Variants in KIF11 observed in about 807,000 individuals in gnomAD.
The protein encoded by KIF11 is kinesin family member 11.
A neutral mutation model predicts 121.0 loss-of-function variants in KIF11; 9 were observed. That is an observed-to-expected ratio of 0.07 (90% CI 0.04 to 0.13). The LOEUF (loss-of-function observed/expected upper bound fraction) is 0.13. Among genes scored for constraint, KIF11 ranks in the 10% least tolerant of loss-of-function variants. The pLI is 1.00. For synonymous variants in KIF11, 408 were observed against 421.0 expected (o/e 0.97, Z 0.38); for missense variants, 846 against 1,217.5 (o/e 0.69, Z 4.54).
At chr10:92,630,021 A>G (rs140574963) in intron 11 of KIF11, among the ~76,000 whole-genome samples, 155 bp from the exon 12 acceptor site, 7 of 152,348 alleles carry the variant, frequency 4.6e-5, no homozygotes, top group African/African-American at 7.2e-5. Flanking sequence ...GTTGAGTAAG[A>G]TTACAGAAAG....
rs1207725287 is a variant in KIF11 at position 92,631,511 on chromosome 10, G to A, written c.1495-975G>A. ...CGAGTAGCTGGGACTACAGGCGCCC[G>A]CCACCGCGCCCGGCTAATTTTTTGT... is the stretch of plus-strand genomic sequence containing the variant. On this transcript the variant is annotated intron_variant, in intron 12 of 21. Coordinates refer to ENST00000260731, the MANE Select transcript of KIF11 (RefSeq NM_004523.4). Among the ~76,000 whole-genome samples the A allele has an allele frequency of 3.3e-5, 5 of 150,080 alleles. No individual in the cohort carries two copies. In the East Asian group the frequency reaches 6.0e-4, roughly 18 times the overall value.
At chr10:92,644,580 A>G (rs1218649214) in intron 17 of KIF11, among the ~76,000 whole-genome samples, 1 of 152,246 alleles carries the variant, frequency 6.6e-6, no homozygotes, top group East Asian at 1.9e-4. Flanking sequence ...CGGCCTCCCA[A>G]AGTGCTGGGA....
chr10:92,630,957 G>A (rs529748551), intron 12 of KIF11, among the ~76,000 whole-genome samples: 9 of 148,390 alleles, frequency 6.1e-5, no homozygotes, highest in Non-Finnish European at 1.0e-4. Context: ...CTTTTTCTTT[G>A]TGGGGATGAT....
At chr10:92,608,100 T>G (rs1288777813) in intron 4 of KIF11, among the ~76,000 whole-genome samples, 1 of 148,904 alleles carries the variant, frequency 6.7e-6, no homozygotes, top group Non-Finnish European at 1.5e-5. Context: ...ACCAAAAAAC[T>G]AGTTAATTTA....
intron 1 of KIF11, 123 bp downstream of exon 1, chr10:92,593,575 G>T (rs559924836): frequency 1.3e-6 from 1 of 777,188 alleles, no homozygotes; most frequent in African/African-American, 1.8e-5. Context: ...GGTTCTCCGC[G>T]TTCTGTTCAA....
intron 1 of KIF11, among the ~76,000 whole-genome samples, chr10:92,596,495 G>C (rs1376111951): frequency 1.3e-5 from 2 of 151,472 alleles, no homozygotes; most frequent in East Asian, 1.9e-4. Context: ...AGTGCATAAG[G>C]GTTCCAATTT....
At chr10:92,599,566 C>T (rs1313819491) in intron 1 of KIF11, among the ~76,000 whole-genome samples, 1 of 149,098 alleles carries the variant, frequency 6.7e-6, no homozygotes, top group Non-Finnish European at 1.5e-5. Flanking sequence ...CTGGATTTTG[C>T]TTGTTGACTT....
chr10:92,644,625 T>G (rs1844900588), intron 17 of KIF11, among the ~76,000 whole-genome samples: 1 of 152,192 alleles, frequency 6.6e-6, no homozygotes, highest in South Asian at 2.1e-4. Context: ...TGCCCTTTTT[T>G]CAGTCATTGT....
At chr10:92,624,544 G>C (rs536881185) in intron 10 of KIF11, among the ~76,000 whole-genome samples, 1 of 151,992 alleles carries the variant, frequency 6.6e-6, no homozygotes, top group African/African-American at 2.4e-5. Context: ...CAGCCATCTT[G>C]CTCTTTTTTA....
At chr10:92,628,936 A>C in intron 11 of KIF11, 41 bp downstream of exon 11, 1 of 1,073,908 alleles carries the variant, frequency 9.3e-7, no homozygotes, top group South Asian at 1.4e-5. Flanking sequence ...GTGAAAAGCA[A>C]ATATTGAAAG....
In KIF11 at chr10:92,650,490, A is replaced by T. The variant is rs768812221; in HGVS notation, c.3012A>T (p.Ser1004=). 6.2e-7 allele frequency: 1 copy of T among 1,612,044 alleles called. No individual in the cohort carries two copies. The highest frequency in any genetic ancestry group is 8.5e-7 in the Non-Finnish European group (1 of 1,178,116). Residue 1004 remains serine (S), a synonymous_variant, in exon 21 of 22, where the codon TCA becomes TCT. Transcript: ENST00000260731. ...CTGTAGATGCTGGTGTGGATTGTTC[A>T]TCAATTGGCGGGGTTCCATTTTTCC... ...EPSVDAGVDC[S]SIGGVPFFQH... is the part of the protein sequence containing the mutation.
Position 92,602,825 on chromosome 10 carries a change from C to CATGTGT in KIF11, c.78-3440_78-3439insATGTGT, listed in dbSNP as rs1457102223. ...TTACTTAAACACACACACACACACA[C>CATGTGT]GTGTGTGTGTGTGTGTGTGTGTGTG... On this transcript the variant is annotated intron_variant, in intron 1 of 21. Coordinates refer to ENST00000260731, the MANE Select transcript of KIF11 (RefSeq NM_004523.4). 9.2e-3 allele frequency among the ~76,000 whole-genome samples: 1,125 copies of CATGTGT among 122,428 alleles called. 13 individuals carry two copies. The highest frequency in any genetic ancestry group is 0.038 in the African/African-American group (1,070 of 27,940). 80.3% of individuals were successfully genotyped at this position (122,428 alleles called of 152,430 possible).
intron 1 of KIF11, 88 bp downstream of exon 1, chr10:92,593,540 C>A: frequency 8.7e-7 from 1 of 1,153,142 alleles, no homozygotes; most frequent in Non-Finnish European, 1.2e-6. Flanking sequence ...ATTTTATTTG[C>A]ATTTCCTGAG....
chr10:92,624,847 G>A (rs546737328), intron 10 of KIF11, among the ~76,000 whole-genome samples: 1 of 150,108 alleles, frequency 6.7e-6, no homozygotes, highest in African/African-American at 2.5e-5. Context: ...TCGGCTCACT[G>A]CAAACTCTGC....
At chr10:92,603,583 CT>C (rs1844399342) in intron 1 of KIF11, among the ~76,000 whole-genome samples, 1 of 152,102 alleles carries the variant, frequency 6.6e-6, no homozygotes, top group South Asian at 2.1e-4. Context: ...AACTTCTGAC[CT>C]CAAGTGATCT....
intron 1 of KIF11, among the ~76,000 whole-genome samples, chr10:92,600,437 A>G (rs1163627338): frequency 1.3e-5 from 2 of 152,192 alleles, no homozygotes; most frequent in Admixed American, 6.5e-5. Flanking sequence ...TATTAAGCCC[A>G]GCATCCACTA....
At position 92,615,524 on chromosome 10, in the gene KIF11, A is replaced by G. The variant is rs557532499; in HGVS notation, c.1033-1213A>G. ...TGATTTAAAGTATATTAATTTAATA[A>G]TTCTAGTATATTTACAGAGTTGTCC... On this transcript the variant is annotated intron_variant, in intron 8 of 21. Coordinates refer to ENST00000260731, the MANE Select transcript of KIF11 (RefSeq NM_004523.4). Among the ~76,000 whole-genome samples the G allele has an allele frequency of 5.3e-5, 8 of 152,308 alleles. No individual in the cohort carries two copies. The South Asian group carries it at 1.7e-3, about 32-fold the overall frequency.
chr10:92,609,338 G>A (rs755628457), intron 5 of KIF11, 47 bp from the exon 6 acceptor site: 2 of 1,460,078 alleles, frequency 1.4e-6, no homozygotes, highest in Non-Finnish European at 1.9e-6. Flanking sequence ...GTGTGTGTGT[G>A]TGTGTTTTAA....
intron 8 of KIF11, among the ~76,000 whole-genome samples, chr10:92,614,021 T>TACACACACACACACACACACACAC (rs71028831): frequency 7.9e-6 from 1 of 127,054 alleles, no homozygotes. Flanking sequence ...AGTATGTGTA[T>TACACACACACACACACACACACAC]ACACACACAC....
Sources: gnomAD v4.1 joint callset for allele counts (sites outside exome capture counted in the v4.1 genomes callset) on GRCh38, gnomAD v4.1.1 for gene constraint, MANE v1.5 for transcripts, NCBI Gene and HGNC (gene_info 2026-07-23, HGNC 2026-07-21) for gene names.